GALNT17: variants seen among roughly 807,000 people sequenced by gnomAD.
GALNT17 encodes the protein polypeptide N-acetylgalactosaminyltransferase 17.
In GALNT17, 29 loss-of-function variants were observed where a neutral mutation model predicts 63.7. The observed-to-expected ratio is 0.46, with a 90% CI of 0.34 to 0.62. The LOEUF (loss-of-function observed/expected upper bound fraction) is 0.62. Among genes scored for constraint, GALNT17 ranks in the 20% least tolerant of loss-of-function variants. The pLI, the probability that GALNT17 is intolerant of heterozygous loss-of-function variation, is 0.01. For missense variants in GALNT17, 603 were observed against 799.6 expected (o/e 0.75, Z 2.97); for synonymous variants, 305 against 318.3 (o/e 0.96, Z 0.45).
intron 3 of GALNT17, among the ~76,000 whole-genome samples, chr7:71,412,717 T>TTCTTC (rs1378502620): frequency 6.6e-6 from 1 of 152,202 alleles, no homozygotes. Context: ...CATCAACTTG[T>TTCTTC]TCTTCTCTTC....
chr7:71,418,329 A>G (rs1786585547), intron 4 of GALNT17, among the ~76,000 whole-genome samples: 1 of 152,210 alleles, frequency 6.6e-6, no homozygotes, highest in Non-Finnish European at 1.5e-5. Flanking sequence ...ACCCCTTGGC[A>G]GTTCTTCATT....
chr7:71,501,073 G>A (rs1379915393), intron 5 of GALNT17, among the ~76,000 whole-genome samples: 3 of 152,078 alleles, frequency 2.0e-5, no homozygotes, highest in African/African-American at 4.8e-5. Context: ...GGATTCAAGC[G>A]ATTCCCCTGC....
intron 10 of GALNT17, 126 bp downstream of exon 10, chr7:71,711,054 C>G (rs574222192): frequency 1.5e-6 from 2 of 1,308,146 alleles, no homozygotes; most frequent in Non-Finnish European, 2.1e-6. Flanking sequence ...CTCCCTGCCC[C>G]GGGCTGGGCT....
At chr7:71,646,938 G>C (rs977679090) in intron 6 of GALNT17, among the ~76,000 whole-genome samples, 2 of 151,666 alleles carry the variant, frequency 1.3e-5, no homozygotes. Flanking sequence ...AGTAGAGATG[G>C]GGTTTCACCG....
chr7:71,340,577 G>T (rs1406498130), intron 2 of GALNT17, among the ~76,000 whole-genome samples: 1 of 152,142 alleles, frequency 6.6e-6, no homozygotes, highest in Non-Finnish European at 1.5e-5. Flanking sequence ...AGGAAAGGCA[G>T]GATCACTAGA....
intron 5 of GALNT17, among the ~76,000 whole-genome samples, chr7:71,442,534 G>T (rs568927362): frequency 2.6e-5 from 4 of 152,250 alleles, no homozygotes; most frequent in Admixed American, 2.0e-4. Flanking sequence ...CTGAAAATTG[G>T]GTTGGTACTT....
At chr7:71,138,477 G>A (rs1349224243) in intron 1 of GALNT17, among the ~76,000 whole-genome samples, 2 of 152,036 alleles carry the variant, frequency 1.3e-5, no homozygotes, top group Non-Finnish European at 2.9e-5. Context: ...GGCAGAGGAA[G>A]AAAAAAATCT....
At chr7:71,685,084 G>A (rs1317979108) in intron 9 of GALNT17, among the ~76,000 whole-genome samples, 3 of 152,086 alleles carry the variant, frequency 2.0e-5, no homozygotes, top group Admixed American at 6.6e-5. Context: ...TCTGCATCTG[G>A]TGAATTCTGG....
chr7:71,336,607 T>C (rs1791913018), intron 2 of GALNT17, among the ~76,000 whole-genome samples: 1 of 152,198 alleles, frequency 6.6e-6, no homozygotes, highest in South Asian at 2.1e-4. Flanking sequence ...TGGTTTTCTG[T>C]TCTGAGTTAG....
rs1554333242 is a variant in GALNT17, at chr7:71,148,860, T to TA, written c.238+15820_238+15821insA. ...GAAATACAGTAGTATTATGGTATTT[T>TA]TATATATATATATATATATATATAT... On this transcript the variant is annotated intron_variant, in intron 1 of 10. Transcript: ENST00000333538. 7.8e-3 allele frequency among the ~76,000 whole-genome samples: 807 copies of TA among 103,156 alleles called. 11 individuals are homozygous for TA. Among genetic ancestry groups the TA allele is most frequent in the East Asian group, 0.016 (56 of 3,546 alleles). 67.7% of individuals were successfully genotyped at this position (103,156 alleles called of 152,430 possible). A position where few individuals can be genotyped will look rare whatever the true frequency, so the allele number is the denominator to read the frequency against.
Position 71,358,919 on chromosome 7 carries a change from G to A in GALNT17, c.422+23186G>A, listed in dbSNP as rs1207536546. Among the ~76,000 whole-genome samples the A allele has an allele frequency of 3.9e-5, 6 of 152,002 alleles. No individual in the cohort carries two copies. The East Asian group carries it at 1.2e-3, about 30-fold the overall frequency. ...CTCCTGAGTAGCTGGAATTACAGGC[G>A]CCCACCACCACATCCGGCTACTTTT... On this transcript the variant is annotated intron_variant, in intron 2 of 10. Transcript: ENST00000333538.
At chr7:71,483,383 T>C (rs930771943) in intron 5 of GALNT17, among the ~76,000 whole-genome samples, 12 of 151,818 alleles carry the variant, frequency 7.9e-5, no homozygotes, top group Non-Finnish European at 5.9e-5. Flanking sequence ...GGCAGGAGAA[T>C]TGCTTGAACC....
intron 6 of GALNT17, among the ~76,000 whole-genome samples, chr7:71,594,471 G>A (rs529028477): frequency 6.6e-6 from 1 of 152,106 alleles, no homozygotes; most frequent in South Asian, 2.1e-4. Flanking sequence ...TGTATTTTTA[G>A]TAGAGATGGG....
Position 71,693,305 on chromosome 7 carries a change from C to CATATATATATAT in GALNT17, c.1500+16000_1500+16001insTATATATATATA, listed in dbSNP as rs1375479092. ...ACACACACACACACACACACACACA[C>CATATATATATAT]ACACATATATATATATGGAGACAAG... On this transcript the variant is annotated intron_variant, in intron 9 of 10. Coordinates refer to ENST00000333538, the MANE Select transcript of GALNT17 (RefSeq NM_022479.3). Among the ~76,000 whole-genome samples the CATATATATATAT allele has an allele frequency of 6.3e-5, 8 of 126,072 alleles. 1 individual carries two copies. In the East Asian group the frequency reaches 1.5e-3, roughly 23 times the overall value. The allele number at this position is 126,072 out of a possible 152,430, so 82.7% of individuals were successfully genotyped here.
chr7:71,165,960 T>TC (rs1788433299), intron 1 of GALNT17, among the ~76,000 whole-genome samples: 1 of 151,306 alleles, frequency 6.6e-6, no homozygotes, highest in South Asian at 2.1e-4. Flanking sequence ...CTTTTTTTTT[T>TC]CCTCCTTAAA....
At chr7:71,515,680 T>C (rs1230114619) in intron 5 of GALNT17, among the ~76,000 whole-genome samples, 1 of 152,170 alleles carries the variant, frequency 6.6e-6, no homozygotes, top group Non-Finnish European at 1.5e-5. Flanking sequence ...ACCTTCCTCA[T>C]TCAGATAATT....
At chr7:71,448,357 A>ATG (rs113851150) in intron 5 of GALNT17, among the ~76,000 whole-genome samples, 9,598 of 147,618 alleles carry the variant, frequency 0.065, 592 homozygotes, top group African/African-American at 0.17. Context: ...CTTCGTGTGT[A>ATG]TGTGTGTGTG....
intron 1 of GALNT17, among the ~76,000 whole-genome samples, chr7:71,309,024 G>A (rs1791362465): frequency 6.6e-6 from 1 of 152,102 alleles, no homozygotes; most frequent in African/African-American, 2.4e-5. Context: ...GATTACAGAT[G>A]TGAGCCACTG....
At chr7:71,427,450 C>CT (rs1786780677) in intron 5 of GALNT17, among the ~76,000 whole-genome samples, 1 of 151,868 alleles carries the variant, frequency 6.6e-6, no homozygotes, top group Admixed American at 6.6e-5. Flanking sequence ...CGGCAGTATC[C>CT]TTTTTTTGTT....
Sources: gnomAD v4.1 joint callset for allele counts (sites outside exome capture counted in the v4.1 genomes callset) on GRCh38, gnomAD v4.1.1 for gene constraint, MANE v1.5 for transcripts, NCBI Gene and HGNC (gene_info 2026-07-23, HGNC 2026-07-21) for gene names.